COG4: variants seen among roughly 807,000 people sequenced by gnomAD.
COG4 encodes component of oligomeric golgi complex 4, also known as conserved oligomeric Golgi complex subunit 4.
Under a neutral mutation model 95.1 loss-of-function variants are expected in COG4, and 65 were observed. That is an observed-to-expected ratio of 0.68 (90% confidence interval 0.56 to 0.84). COG4 has a LOEUF of 0.84. Ranked by LOEUF, COG4 falls within the 40% of genes least tolerant of loss-of-function variation. The pLI is 0.00. For missense variants in COG4, 1,045 were observed against 989.1 expected (o/e 1.06, Z -0.76); for synonymous variants, 421 against 374.8 (o/e 1.12, Z -1.42).
Position 70,517,661 on chromosome 16 carries a change from C to T in COG4, c.334G>A (p.Val112Met). The T allele has an allele frequency of 6.2e-7, 1 of 1,604,370 alleles. No individual in the cohort carries two copies. Among genetic ancestry groups the T allele is most frequent in the African/African-American group, 1.4e-5 (1 of 73,668 alleles). Residue 112 changes from valine (V) to methionine (M), a missense_variant, in exon 3 of 19, where the codon GTG (valine) becomes ATG (methionine). Transcript: ENST00000323786. The part of the protein sequence containing the change: ...ITFTCNLAEN[V>M]SSKVRQLDLA... Reference sequence around the variant, plus strand: ...TCAAGCTGACGAACTTTGCTGGACACATTCTCAGCCAGGTTGCAGGTAAAG... The same window carrying T: ...TCAAGCTGACGAACTTTGCTGGACATATTCTCAGCCAGGTTGCAGGTAAAG...
chr16:70,497,175 AG>A (rs1457233840), intron 11 of COG4, 45 bp downstream of exon 11: 2 of 1,589,744 alleles, frequency 1.3e-6, no homozygotes, highest in African/African-American at 2.7e-5. Flanking sequence ...AGGAATCAAC[AG>A]GAAGGGCCTT....
At chr16:70,484,225 A>G (rs1159891590) in intron 13 of COG4, among the ~76,000 whole-genome samples, 2 of 152,220 alleles carry the variant, frequency 1.3e-5, no homozygotes, top group Non-Finnish European at 2.9e-5. Context: ...AGAGTCAGAC[A>G]TTCCTAGGTT....
At chr16:70,521,674 T>C (rs1298269828) in intron 1 of COG4, among the ~76,000 whole-genome samples, 1 of 151,818 alleles carries the variant, frequency 6.6e-6, no homozygotes, top group African/African-American at 2.4e-5. Flanking sequence ...AATGCGAGCT[T>C]AGGAATGTTA....
intron 11 of COG4, 76 bp from the exon 12 acceptor site, chr16:70,496,507 C>G (rs2049343124): frequency 6.9e-7 from 1 of 1,449,974 alleles, no homozygotes; most frequent in African/African-American, 1.4e-5. Context: ...GTCTTCACCA[C>G]TCTGACCCAG....
chr16:70,508,113 G>T (rs2049617245), intron 8 of COG4, among the ~76,000 whole-genome samples: 1 of 151,852 alleles, frequency 6.6e-6, no homozygotes, highest in East Asian at 2.0e-4. Context: ...TAGAGACGGG[G>T]TTTCACCATA....
At chr16:70,485,897 C>CT (rs5817701) in intron 13 of COG4, among the ~76,000 whole-genome samples, 82,049 of 143,092 alleles carry the variant, frequency 0.57, 26,015 homozygotes, top group African/African-American at 0.88. Flanking sequence ...GAATGCCTGT[C>CT]TTTTTTTTTT....
At chr16:70,509,508 A>G in intron 6 of COG4, 120 bp from the exon 7 acceptor site, 2 of 1,107,584 alleles carry the variant, frequency 1.8e-6, no homozygotes, top group African/African-American at 1.5e-5. Context: ...ACTTTCTAAA[A>G]TGAACACAAA....
chr16:70,496,496 A>G, intron 11 of COG4, 65 bp from the exon 12 acceptor site: 2 of 1,516,534 alleles, frequency 1.3e-6, no homozygotes, highest in African/African-American at 2.7e-5. Flanking sequence ...CAGAAGGGCC[A>G]GTCTTCACCA....
chr16:70,491,195 C>T (rs1168647978), intron 12 of COG4, among the ~76,000 whole-genome samples: 1 of 151,978 alleles, frequency 6.6e-6, no homozygotes, highest in East Asian at 1.9e-4. Context: ...GCCCAGTGCA[C>T]GGGAGGAAAT....
At chr16:70,505,730 G>A (rs965436821) in intron 8 of COG4, among the ~76,000 whole-genome samples, 1 of 151,902 alleles carries the variant, frequency 6.6e-6, no homozygotes, top group African/African-American at 2.4e-5. Context: ...TCAGGAGGCT[G>A]AGGCAGGAGA....
At chr16:70,520,554 C>T (rs934283271) in intron 1 of COG4, among the ~76,000 whole-genome samples, 1 of 151,764 alleles carries the variant, frequency 6.6e-6, no homozygotes, top group African/African-American at 2.4e-5. Flanking sequence ...ATCACTTGAA[C>T]CCGGGAAGTG....
rs1324577058 is a variant in COG4 at position 70,497,382 on chromosome 16, C to G, written c.1320G>C (p.Val440=). 2 of 1,613,024 alleles carry G rather than the reference C, an allele frequency of 1.2e-6. No homozygotes were observed. Among genetic ancestry groups the G allele is most frequent in the East Asian group, 2.2e-5 (1 of 44,892 alleles). The change falls in exon 11 of 19, where the codon GTG becomes GTC. Residue 440 remains valine, a synonymous_variant. Transcript: ENST00000323786. Reference sequence around the variant, plus strand: ...GGCCCTTCTCATAGGTGTCCAGAGCCACAGCCTACCCAAAAGGCAAAGCCA... The same window carrying G: ...GGCCCTTCTCATAGGTGTCCAGAGCGACAGCCTACCCAAAAGGCAAAGCCA... ...YFMRETVNKA[V]ALDTYEKGQL...
chr16:70,487,296 TA>T (rs1316316829), intron 13 of COG4, among the ~76,000 whole-genome samples: 227 of 121,444 alleles, frequency 1.9e-3, no homozygotes, highest in Middle Eastern at 5.2e-3. Context: ...AAAATAAAAA[TA>T]AAAAAAAAAA....
chr16:70,514,609 G>T, intron 3 of COG4, 100 bp from the exon 4 acceptor site: 1 of 959,722 alleles, frequency 1.0e-6, no homozygotes, highest in South Asian at 1.4e-5. Flanking sequence ...TCAACCATAT[G>T]TCAATAGCAA....
rs142971847 is a variant in COG4 at position 70,481,017 on chromosome 16, C to T, written c.2363G>A (p.Arg788His). ...GTGTGCTCATCCAGGCAGCTACAGG[C>T]GCAGCCTCTTGATATCTTCACTGCG... Reference protein sequence around the residue: ...DFRSEDIKRLRL With the variant: ...DFRSEDIKRLHL Residue 788 changes from arginine (R) to histidine (H), a missense_variant, in exon 19 of 19, where the codon CGC becomes CAC. By Grantham distance (29) the Arg-to-His change is conservative (BLOSUM62 0). Coordinates refer to ENST00000323786, the MANE Select transcript of COG4 (RefSeq NM_015386.3). 2.0e-5 allele frequency: 32 copies of T among 1,612,418 alleles called. No individual in the cohort carries two copies. The highest frequency in any genetic ancestry group is 6.7e-5 in the Admixed American group (4 of 60,010).
intron 1 of COG4, among the ~76,000 whole-genome samples, chr16:70,520,468 A>G (rs950898399): frequency 7.0e-6 from 1 of 142,482 alleles, no homozygotes; most frequent in African/African-American, 2.6e-5. Flanking sequence ...CAAAAACAAA[A>G]AACAAAAAAC....
intron 8 of COG4, among the ~76,000 whole-genome samples, chr16:70,507,573 G>T (rs1364795473): frequency 6.6e-6 from 1 of 152,040 alleles, no homozygotes; most frequent in East Asian, 1.9e-4. Context: ...ATGTACTCCA[G>T]TTGTTGGCAG....
At chr16:70,520,878 T>A (rs949181975) in intron 1 of COG4, among the ~76,000 whole-genome samples, 2 of 152,208 alleles carry the variant, frequency 1.3e-5, no homozygotes, top group Admixed American at 6.5e-5. Flanking sequence ...ACTGGGCTGT[T>A]GAATGAGTCA....
chr16:70,488,643 GT>G (rs1353528894), intron 13 of COG4, among the ~76,000 whole-genome samples: 1 of 152,080 alleles, frequency 6.6e-6, no homozygotes, highest in African/African-American at 2.4e-5. Context: ...CACCTCCGGG[GT>G]TCAAACAATT....
Sources: gnomAD v4.1 joint callset for allele counts (sites outside exome capture counted in the v4.1 genomes callset) on GRCh38, gnomAD v4.1.1 for gene constraint, MANE v1.5 for transcripts, NCBI Gene and HGNC (gene_info 2026-07-23, HGNC 2026-07-21) for gene names.